Variants in CYP2S1 observed in about 807,000 individuals in gnomAD.
The protein encoded by CYP2S1 is cytochrome P450 family 2 subfamily S member 1.
A neutral mutation model predicts 43.5 loss-of-function variants in CYP2S1; 32 were observed. The observed-to-expected ratio is 0.74, with a 90% confidence interval of 0.56 to 0.99. The LOEUF is 0.99. Among genes scored for constraint, CYP2S1 ranks in the 50% least tolerant of loss-of-function variants. CYP2S1 has a pLI of 0.00. For missense variants in CYP2S1, 575 were observed against 673.9 expected, an observed-to-expected ratio of 0.85 and a Z score of 1.62; for synonymous variants, 283 against 302.9, an observed-to-expected ratio of 0.93 and a Z score of 0.68.
chr19:41,198,402 A>G lies in CYP2S1; in HGVS notation c.494-60A>G, dbSNP rs968936445. The G allele has an allele frequency of 1.4e-5, 22 of 1,595,678 alleles. No individual in the cohort carries two copies. In the Admixed American group the frequency reaches 3.6e-4, roughly 26 times the overall value. The stretch of plus-strand genomic sequence containing the variant: ...TCTCTCTCTGGTTGGGTTCAGCTCC[A>G]ACCTGCTCCCCTCTGCCTGGCTCCA... On this transcript the variant is annotated intron_variant, in intron 3 of 8. Transcript: ENST00000310054. This position sits in a 1 kb window ranked among gnomAD's most constrained non-coding sequence, Gnocchi z 4.9.
At chr19:41,194,491 C>G in intron 1 of CYP2S1, 53 bp from the exon 2 acceptor site, 2 of 1,500,282 alleles carry the variant, frequency 1.3e-6, no homozygotes, top group Non-Finnish European at 1.8e-6. Context: ...GATGGAGACA[C>G]CTTGGATCGA....
intron 2 of CYP2S1, among the ~76,000 whole-genome samples, chr19:41,196,778 ATCC>A (rs2033418300): frequency 6.6e-6 from 1 of 152,112 alleles, no homozygotes; most frequent in African/African-American, 2.4e-5. Flanking sequence ...GTGCAGTTCC[ATCC>A]TCCTCCCTCT....
At chr19:41,205,925 G>C (rs773244290) in intron 7 of CYP2S1, 33 bp from the exon 8 acceptor site, 8 of 1,604,574 alleles carry the variant, frequency 5.0e-6, no homozygotes, top group Admixed American at 1.7e-5. Flanking sequence ...GGGGTGGGAA[G>C]GGGTTTATAG....
chr19:41,206,172 C>T lies in CYP2S1; in HGVS notation c.1306+73C>T, dbSNP rs954726210. The stretch of plus-strand genomic sequence containing the variant: ...AGGCATCTGTGCCAGCTGGGGGCAC[C>T]CTTCTGCACCCTGGGCTTACTGTTG... On this transcript the variant is annotated intron_variant, in intron 8 of 8. Coordinates refer to ENST00000310054, the MANE Select transcript of CYP2S1 (RefSeq NM_030622.8). The T allele has an allele frequency of 3.1e-5, 50 of 1,604,760 alleles. No homozygotes were observed. In the Admixed American group the frequency reaches 7.1e-4, roughly 23 times the overall value.
chr19:41,204,262 T>C (rs2033532932), intron 7 of CYP2S1, among the ~76,000 whole-genome samples: 1 of 152,180 alleles, frequency 6.6e-6, no homozygotes, highest in African/African-American at 2.4e-5. Flanking sequence ...GATCTCCCAA[T>C]TCTACCTCCT....
chr19:41,199,884 C>T (rs956786453), intron 5 of CYP2S1, among the ~76,000 whole-genome samples: 1 of 151,018 alleles, frequency 6.6e-6, no homozygotes, highest in Non-Finnish European at 1.5e-5. Context: ...GCAGGAGAAT[C>T]GCTTGAACCC....
In CYP2S1 at chr19:41,194,560, G is replaced by T; in HGVS notation, c.194G>T (p.Gly65Val). Residue 65 changes from glycine (G) to valine (V), a missense_variant, in exon 2 of 9, where the codon GGA becomes GTA. This residue lies in a region of CYP2S1 where 353 missense variants were observed against 367.6 expected (regional missense o/e 0.96). Coordinates refer to ENST00000310054, the MANE Select transcript of CYP2S1 (RefSeq NM_030622.8). ...TACCCCCAGCTGAGTAAGAAGTACG[G>T]ACCGGTGTTCACCATCTACCTGGGA... Reference protein sequence around the residue: ...SGLMRLSKKYGPVFTIYLGPW... With the variant: ...SGLMRLSKKYVPVFTIYLGPW... 6.3e-7 allele frequency: 1 copy of T among 1,599,366 alleles called. No homozygotes were observed. The highest frequency in any genetic ancestry group is 8.5e-7 in the Non-Finnish European group (1 of 1,174,806).
chr19:41,201,856 GA>G (rs1011600608), intron 6 of CYP2S1, among the ~76,000 whole-genome samples: 2 of 152,114 alleles, frequency 1.3e-5, no homozygotes, highest in Non-Finnish European at 2.9e-5. Flanking sequence ...GAGGCACAGT[GA>G]AAAACAAGGC....
Position 41,201,319 on chromosome 19 carries a change from G to A in CYP2S1, c.923G>A (p.Ser308Asn), listed in dbSNP as rs140548760. The A allele has an allele frequency of 6.2e-7, 1 of 1,614,154 alleles. No individual in the cohort carries two copies. The highest frequency in any genetic ancestry group is 8.5e-7 in the Non-Finnish European group (1 of 1,180,032). ...YLLFAGTMTV[S>N]TTVGYTLLLL... ...CTGTTTGCTGGGACGATGACGGTCA[G>A]CACCACGGTCGGCTATACCCTCCTG... Residue 308 changes from serine to asparagine, a missense_variant, in exon 6 of 9, where the codon AGC (serine) becomes AAC (asparagine). Transcript: ENST00000310054.
Position 41,207,186 on chromosome 19 carries a change from T to C in CYP2S1, c.*698T>C. On this transcript the variant is annotated 3_prime_UTR_variant, in exon 9 of 9. Coordinates refer to ENST00000310054, the MANE Select transcript of CYP2S1 (RefSeq NM_030622.8). The stretch of plus-strand genomic sequence containing the variant: ...TGCAACTGCAGCCCTCAGTCACCCC[T>C]TTTTAAGCACCCTGATTCTACCAAA... 3.8e-6 allele frequency: 1 copy of C among 261,522 alleles called. No individual in the cohort carries two copies. The highest frequency in any genetic ancestry group is 7.6e-6 in the Non-Finnish European group (1 of 132,212). 16.2% of individuals were successfully genotyped at this position (261,522 alleles called of 1,614,324 possible).
chr19:41,195,437 GGGAAACAGAC>G (rs1002459053), intron 2 of CYP2S1, among the ~76,000 whole-genome samples: 8 of 152,126 alleles, frequency 5.3e-5, no homozygotes, highest in Non-Finnish European at 1.2e-4. Flanking sequence ...TAGGCCAGTG[GGGAAACAGAC>G]TCACCACACA....
chr19:41,206,540 A>G lies in CYP2S1; in HGVS notation c.*52A>G, dbSNP rs1027271280. On this transcript the variant is annotated 3_prime_UTR_variant, in exon 9 of 9. Transcript: ENST00000310054. Reference sequence around the variant, plus strand: ...GCCCAGGACGGTGCCTCCAGCCTCAACAGTGGGCATGGACAGGGTTAATGT... The same window carrying G: ...GCCCAGGACGGTGCCTCCAGCCTCAGCAGTGGGCATGGACAGGGTTAATGT... 1 of 1,600,696 alleles carries G rather than the reference A, an allele frequency of 6.2e-7. No homozygotes were observed. The highest frequency in any genetic ancestry group is 1.7e-5 in the Admixed American group (1 of 59,976).
At position 41,203,616 on chromosome 19, in the gene CYP2S1, C is replaced by T; in HGVS notation, c.1143C>T (p.Phe381=). ...GCACCCTCATGCGGACCACCCGCTT[C>T]CGAGGGTACACCCTGCCCCAGGTGG... is the stretch of plus-strand genomic sequence containing the variant. ...IPRTLMRTTR[F]RGYTLPQGTE... Residue 381 remains phenylalanine, a synonymous_variant, in exon 7 of 9, where the codon TTC becomes TTT. Coordinates refer to ENST00000310054, the MANE Select transcript of CYP2S1 (RefSeq NM_030622.8). The T allele has an allele frequency of 1.9e-6, 3 of 1,547,124 alleles. No homozygotes were observed. In the South Asian group the frequency reaches 3.6e-5, roughly 19 times the overall value.
intron 3 of CYP2S1, 23 bp downstream of exon 3, chr19:41,197,951 A>G: frequency 6.3e-7 from 1 of 1,596,334 alleles, no homozygotes; most frequent in Non-Finnish European, 8.5e-7. Flanking sequence ...GGGTCACCCC[A>G]GGGTCTCCAG....
rs772625110 is a variant in CYP2S1, at chr19:41,206,622, G to A, written c.*134G>A. On this transcript the variant is annotated 3_prime_UTR_variant, in exon 9 of 9. Transcript: ENST00000310054. ...TACACGCCTGCAGTTGTTTTCCGGA[G>A]TCTGTCCCACGGCCCACACGCTCAC... 2.6e-6 allele frequency: 3 copies of A among 1,151,050 alleles called. No homozygotes were observed. Among genetic ancestry groups the A allele is most frequent in the Admixed American group, 1.7e-5 (1 of 59,368 alleles). The allele number at this position is 1,151,050 out of a possible 1,614,324, so 71.3% of individuals were successfully genotyped here. A position where few individuals can be genotyped will look rare whatever the true frequency, so the allele number is the denominator to read the frequency against.
intron 7 of CYP2S1, among the ~76,000 whole-genome samples, chr19:41,204,431 C>T (rs955805634): frequency 6.6e-6 from 1 of 152,106 alleles, no homozygotes; most frequent in African/African-American, 2.4e-5. Context: ...GTGCCCTTCA[C>T]TGGAGAGCAG....
Position 41,198,839 on chromosome 19 carries a change from C to G in CYP2S1, c.785C>G (p.Ser262Trp), listed in dbSNP as rs762923707. The change falls in exon 5 of 9, where the codon TCG becomes TGG. Residue 262 changes from serine (S) to tryptophan (W), a missense_variant. By Grantham distance (177) the Ser-to-Trp change is radical (BLOSUM62 -3). Around this residue, in one of 2 missense-constraint regions of CYP2S1, gnomAD observed 353 missense variants for 367.6 expected, o/e 0.96. Transcript: ENST00000310054. The surrounding 1 kb of genome is among the most constrained non-coding windows in gnomAD (Gnocchi z 4.9). ...CAGCACCAGGGGAACCTGGATGCTT[C>G]GGGCCCCGCACGTGACCTTGTCGAT... ...VQQHQGNLDA[S>W]GPARDLVDAF... 3 of 1,614,054 alleles carry G rather than the reference C, an allele frequency of 1.9e-6. No individual in the cohort carries two copies. The African/African-American group carries it at 4.0e-5, about 22-fold the overall frequency.
rs146265208 is a variant in CYP2S1 at position 41,194,892 on chromosome 19, G to C, written c.343+183G>C. 2.1e-3 allele frequency among the ~76,000 whole-genome samples: 319 copies of C among 152,212 alleles called. 1 individual carries two copies. The highest frequency in any genetic ancestry group is 7.5e-3 in the African/African-American group (310 of 41,534). ...ACACTTTGGGAGGCGGAGGTGGGTGGATCACTTGAGGTCAGGAGTTCGAGA... is the reference window on the plus strand; with the variant it reads ...ACACTTTGGGAGGCGGAGGTGGGTGCATCACTTGAGGTCAGGAGTTCGAGA... On this transcript the variant is annotated intron_variant, in intron 2 of 8. Coordinates refer to ENST00000310054, the MANE Select transcript of CYP2S1 (RefSeq NM_030622.8).
chr19:41,207,016 CTCTCCCA>C lies in CYP2S1; in HGVS notation c.*529_*535del. On this transcript the variant is annotated 3_prime_UTR_variant, in exon 9 of 9. Transcript: ENST00000310054. ...CATGCTCCCTCTCTTGGCTACACCA[CTCTCCCA>C]GCCTGTGACCACCGATGTCCACACA... 3 of 291,248 alleles carry C rather than the reference CTCTCCCA, an allele frequency of 1.0e-5. No individual in the cohort carries two copies. The highest frequency in any genetic ancestry group is 1.4e-5 in the Non-Finnish European group (2 of 145,484). 18.0% of individuals were successfully genotyped at this position (291,248 alleles called of 1,614,324 possible).
Sources: gnomAD v4.1 joint callset for allele counts (sites outside exome capture counted in the v4.1 genomes callset) on GRCh38, gnomAD v4.1.1 for gene constraint, gnomAD v4.1.1 regional missense constraint, Gnocchi (gnomAD v3.1) non-coding constraint, MANE v1.5 for transcripts, NCBI Gene and HGNC (gene_info 2026-07-23, HGNC 2026-07-21) for gene names.